The following ASB3 variants were observed in gnomAD, a reference collection of about 807,000 sequenced individuals.
The protein encoded by ASB3 is ankyrin repeat and SOCS box protein 3.
A neutral mutation model predicts 54.5 loss-of-function variants in ASB3; 41 were observed. The observed-to-expected ratio is 0.75, with a 90% confidence interval of 0.59 to 0.98. The LOEUF (loss-of-function observed/expected upper bound fraction) is 0.98. Ranked by LOEUF, ASB3 falls within the 50% of genes least tolerant of loss-of-function variation. The pLI, the probability that ASB3 is intolerant of heterozygous loss-of-function variation, is 0.00. For synonymous variants in ASB3, 266 were observed against 221.2 expected (o/e 1.20, Z -1.80); for missense variants, 733 against 620.0 (o/e 1.18, Z -1.94).
chr2:53,684,206 T>G (rs1484509989), intron 9 of ASB3, among the ~76,000 whole-genome samples: 1 of 152,222 alleles, frequency 6.6e-6, no homozygotes, highest in African/African-American at 2.4e-5. Flanking sequence ...TATACTTCCA[T>G]GAAAGCCTCT....
intron 2 of ASB3, among the ~76,000 whole-genome samples, chr2:53,764,587 C>G (rs187271955): frequency 5.9e-5 from 9 of 152,304 alleles, no homozygotes; most frequent in Admixed American, 5.9e-4. Context: ...ATGTCAGAAT[C>G]TCGCCTTTAG....
At chr2:53,759,769 G>C (rs1390817143) in intron 2 of ASB3, among the ~76,000 whole-genome samples, 1 of 152,140 alleles carries the variant, frequency 6.6e-6, no homozygotes, top group African/African-American at 2.4e-5. Flanking sequence ...TTATGTCAAG[G>C]GAATCATTGG....
In ASB3 at chr2:53,687,861, G is replaced by T. The variant is rs200765098; in HGVS notation, c.1369+6023C>A. Among the ~76,000 whole-genome samples the T allele has an allele frequency of 2.0e-5, 3 of 152,060 alleles. No individual in the cohort carries two copies. In the East Asian group the frequency reaches 5.8e-4, roughly 29 times the overall value. ...GACAGGATCAGGCTCTGTCATCCAG[G>T]CTGGAGTACAATGGCATGAACACGG... is the stretch of plus-strand genomic sequence containing the variant. On this transcript the variant is annotated intron_variant, in intron 9 of 9. Coordinates refer to ENST00000263634, the MANE Select transcript of ASB3 (RefSeq NM_016115.5).
chr2:53,757,858 A>G (rs1458360184), intron 2 of ASB3, among the ~76,000 whole-genome samples: 1 of 152,214 alleles, frequency 6.6e-6, no homozygotes, highest in Non-Finnish European at 1.5e-5. Flanking sequence ...ATTTTTACCC[A>G]GCTTATCCCT....
At chr2:53,778,482 T>C (rs1458370374) in intron 1 of ASB3, among the ~76,000 whole-genome samples, 2 of 152,214 alleles carry the variant, frequency 1.3e-5, no homozygotes, top group African/African-American at 4.8e-5. Flanking sequence ...TTCACCATAC[T>C]GTGCAACATA....
intron 2 of ASB3, among the ~76,000 whole-genome samples, chr2:53,752,543 C>G (rs1264315862): frequency 3.9e-5 from 6 of 152,216 alleles, no homozygotes; most frequent in African/African-American, 1.4e-4. Flanking sequence ...AGCCACTCCA[C>G]ATTGATTTAT....
At chr2:53,776,674 C>A (rs150324396) in intron 1 of ASB3, among the ~76,000 whole-genome samples, 36 of 152,138 alleles carry the variant, frequency 2.4e-4, no homozygotes, top group African/African-American at 8.7e-4. Context: ...TAAAAATTAG[C>A]CAGGTGTAGT....
chr2:53,711,372 A>G (rs553915529), intron 7 of ASB3, among the ~76,000 whole-genome samples: 33 of 152,150 alleles, frequency 2.2e-4, no homozygotes, highest in Non-Finnish European at 4.0e-4. Flanking sequence ...AACAGGATCT[A>G]TTTAGTGCTC....
intron 1 of ASB3, among the ~76,000 whole-genome samples, chr2:53,765,854 T>C (rs1322460281): frequency 6.6e-6 from 1 of 152,100 alleles, no homozygotes; most frequent in East Asian, 1.9e-4. Flanking sequence ...TCTGGAAATG[T>C]TTGAGGAGTA....
At chr2:53,725,000 T>C (rs1341213629) in intron 5 of ASB3, among the ~76,000 whole-genome samples, 1 of 152,032 alleles carries the variant, frequency 6.6e-6, no homozygotes, top group Non-Finnish European at 1.5e-5. Context: ...ACGGCACCAT[T>C]CACAATAGCA....
chr2:53,723,988 G>C (rs1670852072), intron 5 of ASB3, among the ~76,000 whole-genome samples: 1 of 150,666 alleles, frequency 6.6e-6, no homozygotes. Context: ...ATCCTAGTTA[G>C]AAAAAAAAAT....
chr2:53,685,632 C>G (rs971738331), intron 9 of ASB3, among the ~76,000 whole-genome samples: 1 of 152,214 alleles, frequency 6.6e-6, no homozygotes, highest in Non-Finnish European at 1.5e-5. Flanking sequence ...TATGGAAAGA[C>G]TACCTTATAA....
intron 2 of ASB3, among the ~76,000 whole-genome samples, chr2:53,761,584 C>T (rs543117854): frequency 9.8e-4 from 150 of 152,322 alleles, no homozygotes; most frequent in South Asian, 2.1e-3. Flanking sequence ...TGGCCTCAGA[C>T]TGAGAGTTAC....
chr2:53,771,242 C>T (rs958924702), intron 1 of ASB3, among the ~76,000 whole-genome samples: 3 of 152,078 alleles, frequency 2.0e-5, no homozygotes, highest in Admixed American at 1.3e-4. Context: ...AGGCCGGGTG[C>T]GGTGGCTCAC....
intron 4 of ASB3, 46 bp from the exon 5 acceptor site, chr2:53,728,893 T>C (rs1671148470): frequency 6.5e-7 from 1 of 1,537,576 alleles, no homozygotes; most frequent in Non-Finnish European, 8.7e-7. Context: ...ACAAAGAAAA[T>C]AGAAGGTATC....
At chr2:53,724,329 T>C (rs1414220569) in intron 5 of ASB3, among the ~76,000 whole-genome samples, 1 of 152,102 alleles carries the variant, frequency 6.6e-6, no homozygotes, top group East Asian at 1.9e-4. Flanking sequence ...ACTGGGCACA[T>C]TGGCTCACGC....
intron 2 of ASB3, among the ~76,000 whole-genome samples, chr2:53,751,450 T>C (rs1459815005): frequency 6.6e-6 from 1 of 152,136 alleles, no homozygotes; most frequent in East Asian, 1.9e-4. Context: ...AAACTGCAGT[T>C]CTAAAAGAAT....
At chr2:53,775,966 T>C (rs909305678) in intron 1 of ASB3, among the ~76,000 whole-genome samples, 8 of 152,260 alleles carry the variant, frequency 5.3e-5, no homozygotes, top group Non-Finnish European at 7.3e-5. Context: ...TTAACTCACA[T>C]AGAATTAACT....
chr2:53,704,002 T>A (rs1389839228), intron 7 of ASB3, among the ~76,000 whole-genome samples: 3 of 152,192 alleles, frequency 2.0e-5, no homozygotes, highest in Non-Finnish European at 4.4e-5. Context: ...GGTACCAGTA[T>A]TGTGACCAAA....
Sources: allele counts gnomAD v4.1 joint callset (sites outside exome capture counted in the v4.1 genomes callset), GRCh38; gene constraint gnomAD v4.1.1; transcripts MANE v1.5; gene names NCBI Gene and HGNC (gene_info 2026-07-23, HGNC 2026-07-21).